RB1CC1: variants seen among roughly 807,000 people sequenced by gnomAD.
The protein encoded by RB1CC1 is RB1 inducible coiled-coil 1.
Under a neutral mutation model 177.5 loss-of-function variants are expected in RB1CC1, and 46 were observed. The ratio of observed to expected loss-of-function variants is 0.26; its 90% CI spans 0.20 to 0.33. The LOEUF (loss-of-function observed/expected upper bound fraction) is 0.33, where lower values mean the gene tolerates loss of function less well. RB1CC1 is among the 10% of genes least tolerant of loss of function. The pLI, the probability that RB1CC1 is intolerant of heterozygous loss-of-function variation, is 1.00. For synonymous variants in RB1CC1, 666 were observed against 613.6 expected, an observed-to-expected ratio of 1.09 and a Z score of -1.26; for missense variants, 1,703 against 1,816.3, an observed-to-expected ratio of 0.94 and a Z score of 1.13.
intron 1 of RB1CC1, among the ~76,000 whole-genome samples, chr8:52,708,254 C>CAGGCGTGA (rs1856756626): frequency 2.0e-5 from 3 of 152,312 alleles, no homozygotes; most frequent in African/African-American, 4.8e-5. Flanking sequence ...CACTGGCTCA[C>CAGGCGTGA]GCCTGTAATC....
chr8:52,664,610 C>T (rs1289183317), intron 8 of RB1CC1, among the ~76,000 whole-genome samples: 1 of 152,092 alleles, frequency 6.6e-6, no homozygotes, highest in African/African-American at 2.4e-5. Flanking sequence ...ACAACAAAAA[C>T]TAATTTTGTA....
chr8:52,692,601 C>G (rs1382969523), intron 1 of RB1CC1, among the ~76,000 whole-genome samples: 1 of 152,022 alleles, frequency 6.6e-6, no homozygotes, highest in East Asian at 1.9e-4. Flanking sequence ...GTTGTAAAAA[C>G]TTAAAATCCA....
intron 21 of RB1CC1, among the ~76,000 whole-genome samples, chr8:52,629,377 T>G (rs964369835): frequency 2.6e-5 from 4 of 152,144 alleles, no homozygotes; most frequent in African/African-American, 9.7e-5. Context: ...AAAGAAAAAT[T>G]TTAACTATGG....
In RB1CC1 at chr8:52,700,413, T is replaced by TG. The variant is rs1203951391; in HGVS notation, c.-166-13447dup. Among the ~76,000 whole-genome samples the TG allele has an allele frequency of 7.3e-4, 17 of 23,248 alleles. No individual in the cohort carries two copies. The East Asian group carries it at 8.0e-3, about 11-fold the overall frequency. 15.3% of individuals were successfully genotyped at this position (23,248 alleles called of 152,430 possible). Reference sequence around the variant, plus strand: ...TGACGCACACCTGTAGTCCCAGTTATGGGGGGGTGGGGTGGGGGCGCTGAG... The same window carrying TG: ...TGACGCACACCTGTAGTCCCAGTTATGGGGGGGGTGGGGTGGGGGCGCTGAG... On this transcript the variant is annotated intron_variant, in intron 1 of 23. Transcript: ENST00000025008.
chr8:52,642,696 G>A lies in RB1CC1; in HGVS notation c.4096+8C>T. The stretch of plus-strand genomic sequence containing the variant: ...AAATTAAAAAAAATAGTACAAAACA[G>A]TACAAACCTTTATCCCGTTCTTGTT... On this transcript the variant is annotated splice_region_variant and intron_variant, in intron 17 of 23. Transcript: ENST00000025008. 1 of 1,574,260 alleles carries A rather than the reference G, an allele frequency of 6.4e-7. No homozygotes were observed. Among genetic ancestry groups the A allele is most frequent in the African/African-American group, 1.4e-5 (1 of 72,838 alleles).
chr8:52,683,694 T>A lies in RB1CC1; in HGVS notation c.224A>T (p.Asn75Ile). 6.3e-7 allele frequency: 1 copy of A among 1,587,546 alleles called. No individual in the cohort carries two copies. The highest frequency in any genetic ancestry group is 8.5e-7 in the Non-Finnish European group (1 of 1,169,958). Residue 75 changes from asparagine to isoleucine, a missense_variant, in exon 5 of 24, where the codon AAC becomes ATC. By Grantham distance (149) the Asn-to-Ile change is moderately radical. This residue lies in a region of RB1CC1 where 118 missense variants were observed against 121.2 expected (regional missense o/e 0.97). Coordinates refer to ENST00000025008, the MANE Select transcript of RB1CC1 (RefSeq NM_014781.5). ...GTDTNPIFLF[N>I]KEMILCDRPP... ...ACGATCACATAAGATCATTTCTTTGTTAAAAAGAAAAATTGGATTTGTATC... is the reference window on the plus strand; with the variant it reads ...ACGATCACATAAGATCATTTCTTTGATAAAAAGAAAAATTGGATTTGTATC...
At position 52,714,156 on chromosome 8, in the gene RB1CC1, G is replaced by A. The variant is rs752006572; in HGVS notation, c.-248C>T. ...CATCTTCCGCCGCCGCCTAGTCCTCGGCAGCGGTTACCAACCGCCCATTCG... is the reference window on the plus strand; with the variant it reads ...CATCTTCCGCCGCCGCCTAGTCCTCAGCAGCGGTTACCAACCGCCCATTCG... On this transcript the variant is annotated 5_prime_UTR_variant, in exon 1 of 24. Transcript: ENST00000025008. 5 of 275,400 alleles carry A rather than the reference G, an allele frequency of 1.8e-5. No individual in the cohort carries two copies. Among genetic ancestry groups the A allele is most frequent in the South Asian group, 1.3e-4 (5 of 37,476 alleles). The allele number at this position is 275,400 out of a possible 1,614,324, so 17.1% of individuals were successfully genotyped here. A position where few individuals can be genotyped will look rare whatever the true frequency, so the allele number is the denominator to read the frequency against.
rs1250113101 is a variant in RB1CC1 at position 52,658,881 on chromosome 8, T to C, written c.1785A>G (p.Pro595=). 1 of 1,565,528 alleles carries C rather than the reference T, an allele frequency of 6.4e-7. No homozygotes were observed. The highest frequency in any genetic ancestry group is 1.9e-5 in the Admixed American group (1 of 52,560). The change falls in exon 13 of 24, where the codon CCA becomes CCG. Residue 595 remains proline, a synonymous_variant. Coordinates refer to ENST00000025008, the MANE Select transcript of RB1CC1 (RefSeq NM_014781.5). ...ATACTAATGACATTTACCTGAGGAA[T>C]GGCTGAACTTCCGAAGGACAAAATG... ...LQSFCPSEVQ[P]FLRVPLLCDF...
intron 1 of RB1CC1, among the ~76,000 whole-genome samples, chr8:52,691,246 G>A (rs948673111): frequency 3.9e-5 from 6 of 152,094 alleles, no homozygotes; most frequent in Admixed American, 3.9e-4. Flanking sequence ...GAGTATAGAC[G>A]ACCTCAGTTC....
intron 1 of RB1CC1, among the ~76,000 whole-genome samples, chr8:52,710,465 A>G (rs557731922): frequency 6.6e-6 from 1 of 152,320 alleles, no homozygotes; most frequent in East Asian, 1.9e-4. Context: ...CCCTAGGTGT[A>G]CAGGAAATAT....
chr8:52,700,150 T>C (rs990489549), intron 1 of RB1CC1, among the ~76,000 whole-genome samples: 17 of 151,974 alleles, frequency 1.1e-4, no homozygotes, highest in Non-Finnish European at 1.2e-4. Flanking sequence ...TTTTCTCATA[T>C]TGATGGGAAG....
At chr8:52,643,483 T>A (rs2150415070) in intron 16 of RB1CC1, among the ~76,000 whole-genome samples, 1 of 152,114 alleles carries the variant, frequency 6.6e-6, no homozygotes, top group African/African-American at 2.4e-5. Flanking sequence ...GGAGGACTGC[T>A]TGAGCCCAGG....
At chr8:52,661,835 T>A in intron 8 of RB1CC1, 116 bp from the exon 9 acceptor site, 1 of 703,348 alleles carries the variant, frequency 1.4e-6, no homozygotes, top group East Asian at 3.2e-5. Context: ...CTTCTAACAA[T>A]ATTTTTAAAT....
chr8:52,678,458 T>C (rs765136164), intron 5 of RB1CC1, among the ~76,000 whole-genome samples: 4 of 152,054 alleles, frequency 2.6e-5, no homozygotes, highest in Non-Finnish European at 4.4e-5. Flanking sequence ...CTTTCATTTA[T>C]TTGGGGAGGC....
chr8:52,636,685 A>G (rs74903666), intron 18 of RB1CC1, among the ~76,000 whole-genome samples: 29 of 152,146 alleles, frequency 1.9e-4, no homozygotes, highest in Non-Finnish European at 2.9e-4. Context: ...ATAAGGTCAT[A>G]AAGATTGACT....
In RB1CC1 at chr8:52,623,785, T is replaced by C. The variant is rs145350535; in HGVS notation, c.4782A>G (p.Val1594=). 25 of 1,592,898 alleles carry C rather than the reference T, an allele frequency of 1.6e-5. No individual in the cohort carries two copies. In the South Asian group the frequency reaches 2.5e-4, roughly 16 times the overall value. Residue 1594 remains valine (V), a synonymous_variant, in exon 24 of 24, where the codon GTA becomes GTG. Transcript: ENST00000025008. ...RVKAVSWNKK[V] ...ATGTATTAATTTTGTCCATAAGTTA[T>C]ACTTTCTTATTCCATGATACGGCTT...
Position 52,657,172 on chromosome 8 carries a change from T to C in RB1CC1, c.2657A>G (p.Glu886Gly). Residue 886 changes from glutamate to glycine, a missense_variant, in exon 15 of 24, where the codon GAA becomes GGA. Transcript: ENST00000025008. ...TTTTTTAATTTTGTTTTCATTCTCT[T>C]CAGTTTCCTTTATTAGTCCGTCAAG... ...GKLDGLIKET[E>G]ENENKIKKLK... is the part of the protein sequence containing the mutation. 2 of 1,607,294 alleles carry C rather than the reference T, an allele frequency of 1.2e-6. No homozygotes were observed. Among genetic ancestry groups the C allele is most frequent in the Admixed American group, 1.7e-5 (1 of 59,890 alleles).
intron 22 of RB1CC1, among the ~76,000 whole-genome samples, chr8:52,627,372 T>C (rs946638423): frequency 2.0e-5 from 3 of 152,080 alleles, no homozygotes; most frequent in Non-Finnish European, 4.4e-5. Flanking sequence ...CCTATAAATA[T>C]ATAGATAAGA....
intron 22 of RB1CC1, among the ~76,000 whole-genome samples, chr8:52,627,330 G>A (rs1848466893): frequency 6.6e-6 from 1 of 152,194 alleles, no homozygotes; most frequent in Non-Finnish European, 1.5e-5. Flanking sequence ...CTAGGCGACA[G>A]AGCAAGACTC....
Sources: gnomAD v4.1 joint callset for allele counts (sites outside exome capture counted in the v4.1 genomes callset) on GRCh38, gnomAD v4.1.1 for gene constraint, gnomAD v4.1.1 regional missense constraint, MANE v1.5 for transcripts, NCBI Gene and HGNC (gene_info 2026-07-23, HGNC 2026-07-21) for gene names.